Variants in ZNF407 observed in about 807,000 individuals in gnomAD.
ZNF407 encodes the protein zinc finger protein 407.
In ZNF407, 17 loss-of-function variants were observed where a neutral mutation model predicts 131.2. That is an observed-to-expected ratio of 0.13 (90% CI 0.09 to 0.19). The LOEUF is 0.19. Among genes scored for constraint, ZNF407 ranks in the 10% least tolerant of loss-of-function variants. The probability of loss-of-function intolerance (pLI) is 1.00; values close to 1 mark genes in which losing one functional copy is unlikely to be tolerated. For synonymous variants in ZNF407, 1,156 were observed against 1,062.0 expected (o/e 1.09, Z -1.72); for missense variants, 2,681 against 2,830.6 (o/e 0.95, Z 1.20).
chr18:74,663,139 A>T (rs1429449845), intron 3 of ZNF407, among the ~76,000 whole-genome samples: 1 of 152,162 alleles, frequency 6.6e-6, no homozygotes, highest in Admixed American at 6.5e-5. Context: ...TTTTTTAAGT[A>T]AAAACAGTCT....
chr18:75,019,500 T>C (rs1412951133), intron 8 of ZNF407, among the ~76,000 whole-genome samples: 1 of 152,182 alleles, frequency 6.6e-6, no homozygotes, highest in Non-Finnish European at 1.5e-5. Context: ...AATTGCTTTT[T>C]AAATTATTTT....
At chr18:74,833,347 G>A (rs1364996070) in intron 4 of ZNF407, among the ~76,000 whole-genome samples, 1 of 152,208 alleles carries the variant, frequency 6.6e-6, no homozygotes, top group Admixed American at 6.5e-5. Flanking sequence ...CACATAAACA[G>A]GTAAGCAAAT....
At chr18:74,673,086 A>T (rs568163624) in intron 3 of ZNF407, among the ~76,000 whole-genome samples, 1 of 152,302 alleles carries the variant, frequency 6.6e-6, no homozygotes, top group African/African-American at 2.4e-5. Flanking sequence ...CATTTAAATT[A>T]TTTCAGGTAT....
chr18:74,692,436 G>A (rs889691727), intron 3 of ZNF407, among the ~76,000 whole-genome samples: 5 of 152,058 alleles, frequency 3.3e-5, no homozygotes, highest in Admixed American at 1.3e-4. Flanking sequence ...TTCCATGCTC[G>A]TGATCTTGCT....
At chr18:74,874,294 C>T (rs987210142) in intron 4 of ZNF407, among the ~76,000 whole-genome samples, 3 of 152,336 alleles carry the variant, frequency 2.0e-5, no homozygotes, top group African/African-American at 2.4e-5. Context: ...TTGCACATCC[C>T]TCAACTGACC....
At chr18:74,754,176 T>C (rs1280749952) in intron 3 of ZNF407, among the ~76,000 whole-genome samples, 1 of 152,218 alleles carries the variant, frequency 6.6e-6, no homozygotes, top group African/African-American at 2.4e-5. Context: ...TGTATTTCTG[T>C]GGGATTGGTG....
intron 4 of ZNF407, among the ~76,000 whole-genome samples, chr18:74,808,229 G>T (rs1037888784): frequency 6.6e-6 from 1 of 152,244 alleles, no homozygotes; most frequent in South Asian, 2.1e-4. Context: ...GATCAGGCTG[G>T]TCTCGAACTC....
At chr18:74,951,810 C>A (rs1211300187) in intron 8 of ZNF407, among the ~76,000 whole-genome samples, 1 of 151,336 alleles carries the variant, frequency 6.6e-6, no homozygotes, top group Non-Finnish European at 1.5e-5. Flanking sequence ...AAGATAATTT[C>A]TAAGATTATG....
intron 8 of ZNF407, among the ~76,000 whole-genome samples, chr18:75,017,896 G>A (rs1973063873): frequency 6.6e-6 from 1 of 152,090 alleles, no homozygotes; most frequent in Admixed American, 6.6e-5. Context: ...GCCCCATGTG[G>A]CAGCTGAGCA....
rs565039875 is a variant in ZNF407, at chr18:74,812,447, T to C, written c.4877+30945T>C. 5.6e-4 allele frequency among the ~76,000 whole-genome samples: 86 copies of C among 152,276 alleles called. 1 individual carries two copies. Among genetic ancestry groups the C allele is most frequent in the Admixed American group, 3.9e-4 (6 of 15,282 alleles). On this transcript the variant is annotated intron_variant, in intron 4 of 8. Transcript: ENST00000299687. ...GTTTTCCCATATTATTGTTTATTTTTTTCTAGATAACCTATAATTCCTTTG... is the reference window on the plus strand; with the variant it reads ...GTTTTCCCATATTATTGTTTATTTTCTTCTAGATAACCTATAATTCCTTTG...
intron 1 of ZNF407, among the ~76,000 whole-genome samples, chr18:74,609,797 CCATTGTTGACCA>C (rs1317819248): frequency 6.6e-6 from 1 of 152,194 alleles, no homozygotes. Flanking sequence ...TGTATGTGGT[CCATTGTTGACCA>C]AAACATCATT....
intron 7 of ZNF407, among the ~76,000 whole-genome samples, chr18:74,909,131 A>G (rs1971635375): frequency 6.6e-6 from 1 of 151,586 alleles, no homozygotes; most frequent in African/African-American, 2.4e-5. Context: ...GCCAAAAAAA[A>G]AAGAAATTGC....
At chr18:74,779,914 A>T (rs1969564219) in intron 3 of ZNF407, among the ~76,000 whole-genome samples, 1 of 152,090 alleles carries the variant, frequency 6.6e-6, no homozygotes, top group Non-Finnish European at 1.5e-5. Flanking sequence ...AATGGAGGAC[A>T]GTAGGGAAGT....
chr18:75,039,352 C>T (rs1485679871), intron 8 of ZNF407, among the ~76,000 whole-genome samples: 1 of 152,140 alleles, frequency 6.6e-6, no homozygotes, highest in Non-Finnish European at 1.5e-5. Flanking sequence ...ATTCAAAAAC[C>T]ATAATTAGTG....
At chr18:74,827,864 C>T (rs777463658) in intron 4 of ZNF407, among the ~76,000 whole-genome samples, 4 of 152,182 alleles carry the variant, frequency 2.6e-5, no homozygotes, top group Non-Finnish European at 5.9e-5. Flanking sequence ...AATTCTGATC[C>T]GACCTCACAG....
chr18:74,964,644 T>C (rs373056437), intron 8 of ZNF407, among the ~76,000 whole-genome samples: 32 of 151,722 alleles, frequency 2.1e-4, no homozygotes, highest in East Asian at 5.8e-4. Context: ...TAAATTGTTG[T>C]CTTTTTTCTT....
At chr18:74,964,052 C>T (rs1174080553) in intron 8 of ZNF407, among the ~76,000 whole-genome samples, 1 of 152,216 alleles carries the variant, frequency 6.6e-6, no homozygotes, top group Admixed American at 6.5e-5. Context: ...TCAAACTTGT[C>T]AGTGCCTGAA....
At chr18:74,862,012 A>G (rs555552121) in intron 4 of ZNF407, among the ~76,000 whole-genome samples, 1 of 152,332 alleles carries the variant, frequency 6.6e-6, no homozygotes, top group African/African-American at 2.4e-5. Flanking sequence ...TTAAAGATTA[A>G]TATTTCATTA....
intron 7 of ZNF407, among the ~76,000 whole-genome samples, chr18:74,898,917 G>T (rs565998319): frequency 1.3e-5 from 2 of 152,272 alleles, no homozygotes; most frequent in Non-Finnish European, 2.9e-5. Context: ...TCATAAATTT[G>T]TTCCAATCTA....
Sources: gnomAD v4.1 joint callset for allele counts (sites outside exome capture counted in the v4.1 genomes callset) on GRCh38, gnomAD v4.1.1 for gene constraint, MANE v1.5 for transcripts, NCBI Gene and HGNC (gene_info 2026-07-23, HGNC 2026-07-21) for gene names.